Variants in CUL4A observed in about 807,000 individuals in gnomAD.
CUL4A encodes cullin 4A.
In CUL4A, 16 loss-of-function variants were observed where a neutral mutation model predicts 95.5. That is an observed-to-expected ratio of 0.17 (90% CI 0.11 to 0.25). CUL4A has a LOEUF of 0.25. Ranked by LOEUF, CUL4A falls within the 10% of genes least tolerant of loss-of-function variation. The pLI is 1.00. For missense variants in CUL4A, 610 were observed against 937.0 expected, an observed-to-expected ratio of 0.65 and a Z score of 4.56; for synonymous variants, 380 against 353.1, an observed-to-expected ratio of 1.08 and a Z score of -0.85.
chr13:113,252,138 C>T (rs941392022), intron 15 of CUL4A, among the ~76,000 whole-genome samples: 2 of 152,102 alleles, frequency 1.3e-5, no homozygotes, highest in African/African-American at 4.8e-5. Flanking sequence ...GAGAGGCATC[C>T]GGAAAACACG....
chr13:113,258,348 A>T (rs2042186699), intron 18 of CUL4A, among the ~76,000 whole-genome samples: 1 of 152,190 alleles, frequency 6.6e-6, no homozygotes, highest in African/African-American at 2.4e-5. Context: ...AATGAACTTG[A>T]CAATAATTGT....
intron 15 of CUL4A, among the ~76,000 whole-genome samples, chr13:113,251,089 A>G (rs951494704): frequency 3.3e-5 from 5 of 152,192 alleles, no homozygotes; most frequent in Admixed American, 3.3e-4. Flanking sequence ...TGCCATGTAC[A>G]GTGCTGCAAT....
chr13:113,252,647 A>G (rs1249877389), intron 15 of CUL4A, among the ~76,000 whole-genome samples: 2 of 152,242 alleles, frequency 1.3e-5, no homozygotes, highest in African/African-American at 4.8e-5. Flanking sequence ...AGTGCAACGC[A>G]AGGGGTTGTG....
chr13:113,244,986 G>T lies in CUL4A; in HGVS notation c.1371G>T (p.Leu457Phe). 1 of 1,613,794 alleles carries T rather than the reference G, an allele frequency of 6.2e-7. No individual in the cohort carries two copies. Among genetic ancestry groups the T allele is most frequent in the African/African-American group, 1.3e-5 (1 of 75,042 alleles). ...DVFEAFYKKD[L>F]AKRLLVGKSA... ...TTGAAGCATTTTATAAAAAAGATTT[G>T]GCAAAAAGACTCCTTGTTGGGAAAA... The change falls in exon 13 of 20, where the codon TTG becomes TTT. Residue 457 changes from leucine to phenylalanine, a missense_variant. By Grantham distance (22) the Leu-to-Phe change is conservative (BLOSUM62 0). Coordinates refer to ENST00000375440, the MANE Select transcript of CUL4A (RefSeq NM_001008895.4).
At chr13:113,259,505 A>G (rs971405606) in intron 18 of CUL4A, among the ~76,000 whole-genome samples, 1 of 152,206 alleles carries the variant, frequency 6.6e-6, no homozygotes, top group African/African-American at 2.4e-5. Context: ...ATGTTTTATC[A>G]TGTTCAGATG....
At position 113,233,228 on chromosome 13, in the gene CUL4A, T is replaced by C. The variant is rs530339077; in HGVS notation, c.564T>C (p.Val188=). 3.1e-6 allele frequency: 5 copies of C among 1,614,024 alleles called. No homozygotes were observed. The African/African-American group carries it at 6.7e-5, about 22-fold the overall frequency. Residue 188 remains valine, a synonymous_variant, in exon 6 of 20, where the codon GTT becomes GTC. Coordinates refer to ENST00000375440, the MANE Select transcript of CUL4A (RefSeq NM_001008895.4). ...FRTHIISDKM[V]QSKTIDGILL... Reference sequence around the variant, plus strand: ...CCCATATTATTAGTGATAAAATGGTTCAGAGTAAAACCATTGATGGAATCC... The same window carrying C: ...CCCATATTATTAGTGATAAAATGGTCCAGAGTAAAACCATTGATGGAATCC...
intron 10 of CUL4A, 59 bp from the exon 11 acceptor site, chr13:113,242,909 G>A: frequency 7.6e-7 from 1 of 1,313,550 alleles, no homozygotes; most frequent in Non-Finnish European, 1.1e-6. Context: ...GATAGCAGGA[G>A]AAGATACTGT....
At chr13:113,208,679 G>A (rs148604743), upstream of CUL4A, 12 of 1,575,736 alleles carry the variant, frequency 7.6e-6, no homozygotes, top group South Asian at 3.5e-5. Flanking sequence ...CGCCTCAAGC[G>A]GGCCAGCTGG....
chr13:113,264,902 A>C lies in CUL4A; in HGVS notation c.*1320A>C, dbSNP rs1314022465. Reference sequence around the variant, plus strand: ...TTTCTATCTTTGAAAATTTTCATTTATGAGTTCCATGATATGTGGTCTAAG... The same window carrying C: ...TTTCTATCTTTGAAAATTTTCATTTCTGAGTTCCATGATATGTGGTCTAAG... On this transcript the variant is annotated 3_prime_UTR_variant, in exon 20 of 20. Transcript: ENST00000375440. The C allele has an allele frequency of 1.3e-5, 2 of 152,092 alleles. No individual in the cohort carries two copies. Among genetic ancestry groups the C allele is most frequent in the African/African-American group, 4.8e-5 (2 of 41,420 alleles). 9.4% of individuals were successfully genotyped at this position (152,092 alleles called of 1,614,324 possible).
chr13:113,218,280 T>C (rs2040768490), intron 2 of CUL4A, among the ~76,000 whole-genome samples: 1 of 151,874 alleles, frequency 6.6e-6, no homozygotes, highest in Non-Finnish European at 1.5e-5. Context: ...GTTCACAGAA[T>C]AAAAAAGAAA....
intron 18 of CUL4A, 94 bp downstream of exon 18, chr13:113,255,219 AC>A: frequency 1.2e-6 from 1 of 838,048 alleles, no homozygotes; most frequent in Non-Finnish European, 1.9e-6. Flanking sequence ...GGCCTGAAGC[AC>A]ATTTCTACAA....
intron 9 of CUL4A, among the ~76,000 whole-genome samples, 161 bp downstream of exon 9, chr13:113,237,051 G>GA (rs936948299): frequency 1.8e-4 from 28 of 151,400 alleles, no homozygotes; most frequent in East Asian, 5.8e-4. Flanking sequence ...ATCCACGGGA[G>GA]AAAAAAAAAT....
chr13:113,246,140 T>C, intron 15 of CUL4A, 77 bp downstream of exon 15: 1 of 1,075,654 alleles, frequency 9.3e-7, no homozygotes, highest in Non-Finnish European at 1.4e-6. Flanking sequence ...CTTCAAGAAT[T>C]GTTGAATGGG....
chr13:113,248,924 A>T (rs1012789459), intron 15 of CUL4A, among the ~76,000 whole-genome samples: 3 of 152,064 alleles, frequency 2.0e-5, no homozygotes, highest in Non-Finnish European at 2.9e-5. Context: ...AATATTTTTG[A>T]CCTGAGATTG....
At chr13:113,211,260 G>T (rs2040430715) in intron 2 of CUL4A, among the ~76,000 whole-genome samples, 1 of 152,240 alleles carries the variant, frequency 6.6e-6, no homozygotes, top group Non-Finnish European at 1.5e-5. Context: ...ACTTAGGACA[G>T]TGCTTTTGAG....
intron 4 of CUL4A, 116 bp from the exon 5 acceptor site, chr13:113,229,330 G>A (rs919137048): frequency 5.1e-6 from 4 of 779,872 alleles, no homozygotes; most frequent in African/African-American, 3.5e-5. Flanking sequence ...TGAGGGCTGT[G>A]GTGGACAGGA....
At position 113,243,310 on chromosome 13, in the gene CUL4A, T is replaced by TATTAGG. The variant is rs2041771900; in HGVS notation, c.1228+152_1228+157dup. ...TGTGGAAAGCGTTTTTATCAAGTCT[T>TATTAGG]ATTAGGACACAAATTTAAAAACCGA... On this transcript the variant is annotated intron_variant, in intron 11 of 19. Transcript: ENST00000375440. The TATTAGG allele has an allele frequency of 4.5e-6, 3 of 664,622 alleles. No individual in the cohort carries two copies. The South Asian group carries it at 7.4e-5, about 16-fold the overall frequency. The allele number at this position is 664,622 out of a possible 1,614,324, so 41.2% of individuals were successfully genotyped here.
intron 2 of CUL4A, among the ~76,000 whole-genome samples, chr13:113,217,174 A>G (rs983564896): frequency 6.6e-6 from 1 of 152,202 alleles, no homozygotes; most frequent in African/African-American, 2.4e-5. Context: ...TGTGTTATAT[A>G]AAAAACTTAC....
At position 113,210,104 on chromosome 13, in the gene CUL4A, G is replaced by A. The variant is rs1186673864; in HGVS notation, c.264+16G>A. 1.4e-6 allele frequency: 2 copies of A among 1,472,346 alleles called. No homozygotes were observed. Among genetic ancestry groups the A allele is most frequent in the South Asian group, 1.3e-5 (1 of 77,656 alleles). 91.2% of individuals were successfully genotyped at this position (1,472,346 alleles called of 1,614,324 possible). A position where few individuals can be genotyped will look rare whatever the true frequency, so the allele number is the denominator to read the frequency against. On this transcript the variant is annotated intron_variant, in intron 2 of 19. Transcript: ENST00000375440. The stretch of plus-strand genomic sequence containing the variant: ...GCTCTACCAGGTGAGGCGGCGGCCG[G>A]GGCTGGGGACGCCGCTCCTGCCCCG...
Sources: gnomAD v4.1 joint callset for allele counts (sites outside exome capture counted in the v4.1 genomes callset) on GRCh38, gnomAD v4.1.1 for gene constraint, MANE v1.5 for transcripts, NCBI Gene and HGNC (gene_info 2026-07-23, HGNC 2026-07-21) for gene names.